SENP7: variants seen among roughly 807,000 people sequenced by gnomAD.
SENP7 encodes SUMO specific peptidase 7.
SENP7 carries 64 observed loss-of-function variants against 141.2 expected under a neutral mutation model. The ratio of observed to expected loss-of-function variants is 0.45; its 90% CI spans 0.37 to 0.56. The LOEUF (loss-of-function observed/expected upper bound fraction) is 0.56, where lower values mean the gene tolerates loss of function less well. Ranked by LOEUF, SENP7 falls within the 20% of genes least tolerant of loss-of-function variation. The pLI, the probability that SENP7 is intolerant of heterozygous loss-of-function variation, is 0.00. For missense variants in SENP7, 1,025 were observed against 1,212.2 expected (o/e 0.85, Z 2.29); for synonymous variants, 382 against 426.4 (o/e 0.90, Z 1.28).
rs577906730 is a variant in SENP7, at chr3:101,435,463, G to A, written c.285-17673C>T. Among the ~76,000 whole-genome samples the A allele has an allele frequency of 4.6e-5, 7 of 152,074 alleles. No homozygotes were observed. The South Asian group carries it at 1.2e-3, about 27-fold the overall frequency. On this transcript the variant is annotated intron_variant, in intron 4 of 23. Coordinates refer to ENST00000394095, the MANE Select transcript of SENP7 (RefSeq NM_020654.5). ...CAATCAGATAACAGAAAGATATAAA[G>A]GGCATCCAAATTGCAAAGGAAGAAG...
rs754376479 is a variant in SENP7 at position 101,481,076 on chromosome 3, CA to C, written c.186+12796del. On this transcript the variant is annotated intron_variant, in intron 3 of 23. Transcript: ENST00000394095. ...ATGAAAAACAGTATGGAGATTTCCCCAAAAAAAAAAAAAAACTAAAAATAGA... is the reference window on the plus strand; with the variant it reads ...ATGAAAAACAGTATGGAGATTTCCCCAAAAAAAAAAAAAACTAAAAATAGA... Among the ~76,000 whole-genome samples the C allele has an allele frequency of 3.2e-3, 411 of 127,208 alleles. 3 individuals carry two copies. Among genetic ancestry groups the C allele is most frequent in the South Asian group, 9.5e-3 (38 of 4,018 alleles). 83.5% of individuals were successfully genotyped at this position (127,208 alleles called of 152,430 possible).
In SENP7 at chr3:101,501,008, C is replaced by A. The variant is rs1194176893; in HGVS notation, c.90+62G>T. On this transcript the variant is annotated intron_variant, in intron 2 of 23. Coordinates refer to ENST00000394095, the MANE Select transcript of SENP7 (RefSeq NM_020654.5). Reference sequence around the variant, plus strand: ...AAAATGTTATTAAAAAGACAAACAGCAAAATACTTTCAATATCAGTAACTC... The same window carrying A: ...AAAATGTTATTAAAAAGACAAACAGAAAAATACTTTCAATATCAGTAACTC... The A allele has an allele frequency of 3.5e-6, 4 of 1,149,926 alleles. No individual in the cohort carries two copies. The African/African-American group carries it at 4.7e-5, about 13-fold the overall frequency. The allele number at this position is 1,149,926 out of a possible 1,614,324, so 71.2% of individuals were successfully genotyped here. A position where few individuals can be genotyped will look rare whatever the true frequency, so the allele number is the denominator to read the frequency against.
chr3:101,326,901 T>C (rs1184937019), intron 23 of SENP7, among the ~76,000 whole-genome samples: 1 of 126,024 alleles, frequency 7.9e-6, no homozygotes, highest in African/African-American at 2.7e-5. Context: ...CATTCTTTTT[T>C]CTCTCTGGGC....
rs147880152 is a variant in SENP7 at position 101,452,560 on chromosome 3, G to A, written c.284+6395C>T. On this transcript the variant is annotated intron_variant, in intron 4 of 23. Transcript: ENST00000394095. ...GAACAGAGCCCTCACAAATAATGCC[G>A]CATAACTACAACCATCTCATCTTTG... 7.0e-4 allele frequency among the ~76,000 whole-genome samples: 106 copies of A among 152,142 alleles called. No individual in the cohort carries two copies. The East Asian group carries it at 7.3e-3, about 11-fold the overall frequency.
chr3:101,351,602 G>A lies in SENP7; in HGVS notation c.1657+16C>T. The A allele has an allele frequency of 2.2e-6, 3 of 1,343,524 alleles. No homozygotes were observed. Among genetic ancestry groups the A allele is most frequent in the South Asian group, 1.9e-5 (1 of 53,668 alleles). 83.2% of individuals were successfully genotyped at this position (1,343,524 alleles called of 1,614,324 possible). ...CTATAGTAAAAAGACAAGTTCATAA[G>A]AGAATGATAACTTACCTTGAAATGG... On this transcript the variant is annotated intron_variant, in intron 12 of 23. Transcript: ENST00000394095.
chr3:101,332,744 G>A, intron 18 of SENP7, 26 bp downstream of exon 18: 1 of 1,429,438 alleles, frequency 7.0e-7, no homozygotes, highest in Non-Finnish European at 9.2e-7. Flanking sequence ...TTTCCAATAT[G>A]TTCTTAAATA....
At chr3:101,363,556 C>T (rs1431045819) in intron 10 of SENP7, among the ~76,000 whole-genome samples, 1 of 152,104 alleles carries the variant, frequency 6.6e-6, no homozygotes, top group Non-Finnish European at 1.5e-5. Flanking sequence ...TCAATTTATA[C>T]CCTGCCAAGA....
chr3:101,363,571 ATTC>A (rs2059956613), intron 10 of SENP7, among the ~76,000 whole-genome samples: 1 of 152,214 alleles, frequency 6.6e-6, no homozygotes, highest in Non-Finnish European at 1.5e-5. Flanking sequence ...CCAAGACCTA[ATTC>A]TTCTACAAGT....
chr3:101,508,047 C>CAAAAA (rs61638290), intron 1 of SENP7, among the ~76,000 whole-genome samples: 3 of 90,132 alleles, frequency 3.3e-5, no homozygotes, highest in African/African-American at 1.4e-4. Context: ...GACTCCATCT[C>CAAAAA]AAAAAAAAAA....
chr3:101,423,898 C>T (rs2061865263), intron 4 of SENP7, among the ~76,000 whole-genome samples: 1 of 152,178 alleles, frequency 6.6e-6, no homozygotes, highest in Non-Finnish European at 1.5e-5. Flanking sequence ...CTTCAGTTGG[C>T]AGGGAGAGCT....
At position 101,341,603 on chromosome 3, in the gene SENP7, C is replaced by A. The variant is rs750497777; in HGVS notation, c.2240+43G>T. 1.1e-5 allele frequency: 16 copies of A among 1,408,272 alleles called. No individual in the cohort carries two copies. The East Asian group carries it at 3.9e-4, about 34-fold the overall frequency. The allele number at this position is 1,408,272 out of a possible 1,614,324, so 87.2% of individuals were successfully genotyped here. A position where few individuals can be genotyped will look rare whatever the true frequency, so the allele number is the denominator to read the frequency against. On this transcript the variant is annotated intron_variant, in intron 15 of 23. Coordinates refer to ENST00000394095, the MANE Select transcript of SENP7 (RefSeq NM_020654.5). ...AAAGCAGCAACATGAATAAAAACTA[C>A]TAATATGCCCATCTACTACAAACAT...
At chr3:101,414,301 CA>C in intron 5 of SENP7, 1 of 735,268 alleles carries the variant, frequency 1.4e-6, no homozygotes, top group Non-Finnish European at 2.5e-6. Flanking sequence ...CCGGAAGATG[CA>C]GGGTCTCATG....
intron 4 of SENP7, among the ~76,000 whole-genome samples, chr3:101,428,441 T>C (rs915624141): frequency 1.3e-5 from 2 of 152,244 alleles, no homozygotes; most frequent in South Asian, 2.1e-4. Context: ...ATTTCTCTAA[T>C]GACCAGTGAT....
chr3:101,432,787 C>G (rs1366088002), intron 4 of SENP7, among the ~76,000 whole-genome samples: 1 of 152,098 alleles, frequency 6.6e-6, no homozygotes, highest in Non-Finnish European at 1.5e-5. Context: ...ATCTGAAAAG[C>G]CTTCCCAAAA....
chr3:101,488,207 T>A (rs2064810767), intron 3 of SENP7, among the ~76,000 whole-genome samples: 1 of 152,118 alleles, frequency 6.6e-6, no homozygotes, highest in South Asian at 2.1e-4. Context: ...GGTATTTCAT[T>A]TTTTTTAAGC....
At chr3:101,409,149 A>G (rs1374224422) in intron 5 of SENP7, among the ~76,000 whole-genome samples, 2 of 152,202 alleles carry the variant, frequency 1.3e-5, no homozygotes, top group African/African-American at 4.8e-5. Context: ...GACCAAGCAG[A>G]GAATCAAATC....
chr3:101,408,327 G>A (rs796312678), intron 5 of SENP7, among the ~76,000 whole-genome samples: 4 of 152,086 alleles, frequency 2.6e-5, no homozygotes, highest in African/African-American at 9.6e-5. Context: ...AGGACCAGAC[G>A]GATTCACAGC....
At chr3:101,367,754 A>G (rs899437139) in intron 8 of SENP7, 76 bp downstream of exon 8, 6 of 915,434 alleles carry the variant, frequency 6.6e-6, no homozygotes, top group African/African-American at 1.7e-5. Context: ...CTAGAGGAAC[A>G]TTATTTGGCC....
intron 11 of SENP7, 99 bp from the exon 12 acceptor site, chr3:101,351,750 C>A: frequency 1.1e-6 from 1 of 884,150 alleles, no homozygotes; most frequent in South Asian, 5.0e-5. Flanking sequence ...TCAAAGTCTA[C>A]ATTATAAGTG....
Sources: gnomAD v4.1 joint callset for allele counts (sites outside exome capture counted in the v4.1 genomes callset) on GRCh38, gnomAD v4.1.1 for gene constraint, MANE v1.5 for transcripts, NCBI Gene and HGNC (gene_info 2026-07-23, HGNC 2026-07-21) for gene names.